Variants in NBAS observed in about 807,000 individuals in gnomAD.
NBAS encodes NAG/BC035112 fusion.
NBAS carries 219 observed loss-of-function variants against 302.5 expected under a neutral mutation model. The observed-to-expected ratio is 0.72, with a 90% CI of 0.65 to 0.81. NBAS has a LOEUF of 0.81. Ranked by LOEUF, NBAS falls within the 30% of genes least tolerant of loss-of-function variation. The pLI is 0.00. For synonymous variants in NBAS, 1,118 were observed against 1,021.6 expected, an observed-to-expected ratio of 1.09 and a Z score of -1.80; for missense variants, 2,932 against 2,841.6, an observed-to-expected ratio of 1.03 and a Z score of -0.72.
the NBAS span, among the ~76,000 whole-genome samples, chr2:15,145,666 C>T: frequency 6.6e-6 from 1 of 152,052 alleles, no homozygotes; most frequent in Admixed American, 6.5e-5. Flanking sequence ...CCTCTTACTG[C>T]AGCTCCCACT....
chr2:15,270,234 G>C (rs549967299), intron 44 of NBAS, among the ~76,000 whole-genome samples: 1 of 151,978 alleles, frequency 6.6e-6, no homozygotes, highest in African/African-American at 2.4e-5. Flanking sequence ...GCACGATCTC[G>C]GGTCAGTGCA....
At chr2:14,837,521 T>C in the NBAS span, among the ~76,000 whole-genome samples, 3 of 151,736 alleles carry the variant, frequency 2.0e-5, no homozygotes, top group Admixed American at 2.0e-4. Context: ...CTGGTAGAAT[T>C]TGCTGGAGGA....
At chr2:15,123,349 G>C in the NBAS span, among the ~76,000 whole-genome samples, 2 of 152,262 alleles carry the variant, frequency 1.3e-5, no homozygotes, top group Admixed American at 6.5e-5. Context: ...ATCGGAGCTC[G>C]TCATAGGTTG....
chr2:15,431,519 CA>C (rs1677763406), intron 21 of NBAS, among the ~76,000 whole-genome samples: 1 of 151,984 alleles, frequency 6.6e-6, no homozygotes, highest in Non-Finnish European at 1.5e-5. Flanking sequence ...CCTCAGCACC[CA>C]AAATAGTATC....
the NBAS span, among the ~76,000 whole-genome samples, chr2:15,108,710 T>A: frequency 6.6e-6 from 1 of 152,138 alleles, no homozygotes; most frequent in Admixed American, 6.6e-5. Context: ...TTCATAGTTT[T>A]GAAATCCATA....
chr2:15,083,679 C>T, the NBAS span, among the ~76,000 whole-genome samples: 1 of 152,182 alleles, frequency 6.6e-6, no homozygotes, highest in Non-Finnish European at 1.5e-5. Flanking sequence ...AACAAAATCA[C>T]AGTTGTTCCA....
intron 2 of NBAS, 151 bp downstream of exon 2, chr2:15,558,429 C>T: frequency 1.6e-6 from 1 of 607,170 alleles, no homozygotes; most frequent in Non-Finnish European, 2.9e-6. Flanking sequence ...CAAATGTATA[C>T]ATATACATAC....
chr2:14,809,887 T>A, the NBAS span, among the ~76,000 whole-genome samples: 1 of 152,202 alleles, frequency 6.6e-6, no homozygotes, highest in African/African-American at 2.4e-5. Context: ...ACCTATTGCA[T>A]CGGCGTGACC....
At chr2:15,048,493 G>C in the NBAS span, among the ~76,000 whole-genome samples, 1 of 152,246 alleles carries the variant, frequency 6.6e-6, no homozygotes, top group Non-Finnish European at 1.5e-5. Context: ...GATGGTATCA[G>C]GCTTTGCCTG....
chr2:14,814,113 C>A, the NBAS span, among the ~76,000 whole-genome samples: 1 of 152,204 alleles, frequency 6.6e-6, no homozygotes, highest in Non-Finnish European at 1.5e-5. Flanking sequence ...TATGAAAATG[C>A]CTAGATGTCC....
chr2:15,320,081 G>C (rs1671724079), intron 38 of NBAS, among the ~76,000 whole-genome samples: 1 of 152,140 alleles, frequency 6.6e-6, no homozygotes, highest in South Asian at 2.1e-4. Context: ...TGGCATGCAA[G>C]GCTGGTTCAA....
intron 48 of NBAS, among the ~76,000 whole-genome samples, chr2:15,217,524 A>T (rs188988728): frequency 5.9e-5 from 9 of 152,352 alleles, no homozygotes; most frequent in Admixed American, 5.2e-4. Context: ...TTGCTTTAAG[A>T]TTAGACGGTA....
chr2:15,082,479 C>G, the NBAS span, among the ~76,000 whole-genome samples: 1 of 152,136 alleles, frequency 6.6e-6, no homozygotes, highest in Non-Finnish European at 1.5e-5. Context: ...TGGAAGGTCA[C>G]TTTCACTCTC....
chr2:15,315,745 T>C (rs770583321), intron 38 of NBAS, among the ~76,000 whole-genome samples: 6 of 152,216 alleles, frequency 3.9e-5, no homozygotes, highest in African/African-American at 7.2e-5. Flanking sequence ...AGTTATCTCA[T>C]GACTTTTTTT....
At chr2:14,785,144 G>T in the NBAS span, among the ~76,000 whole-genome samples, 4 of 152,154 alleles carry the variant, frequency 2.6e-5, no homozygotes, top group African/African-American at 9.7e-5. Context: ...GTATAAGAAT[G>T]CTTGTGATTT....
intron 47 of NBAS, among the ~76,000 whole-genome samples, chr2:15,228,406 C>T (rs1021046339): frequency 1.1e-4 from 17 of 152,132 alleles, no homozygotes; most frequent in African/African-American, 1.4e-4. Flanking sequence ...ATAAATTAGT[C>T]GCTGTTAGGG....
chr2:15,555,663 A>G (rs372439637), intron 3 of NBAS, among the ~76,000 whole-genome samples: 1 of 152,226 alleles, frequency 6.6e-6, no homozygotes, highest in Non-Finnish European at 1.5e-5. Flanking sequence ...TGAAAGCAGC[A>G]TATCATGAGA....
chr2:15,402,204 T>C lies in NBAS; in HGVS notation c.3035A>G (p.Tyr1012Cys), dbSNP rs761656720. 13 of 1,613,532 alleles carry C rather than the reference T, an allele frequency of 8.1e-6. No homozygotes were observed. Among genetic ancestry groups the C allele is most frequent in the Non-Finnish European group, 6.8e-6 (8 of 1,179,670 alleles). The change falls in exon 26 of 52, where the codon TAT becomes TGT. Residue 1012 changes from tyrosine (Y) to cysteine (C), a missense_variant. Physicochemically the swap from Tyr to Cys is radical, Grantham distance 194. Coordinates refer to ENST00000281513, the MANE Select transcript of NBAS (RefSeq NM_015909.4). ...CERNDQLCLC[Y>C]DLLECLPERG... is the part of the protein sequence containing the mutation. The stretch of plus-strand genomic sequence containing the variant: ...TTCTGGCAGACATTCTAGTAGGTCA[T>C]AGCAAAGACAGAGTTGATCATTTCG...
At chr2:14,888,968 G>A in the NBAS span, among the ~76,000 whole-genome samples, 3 of 152,284 alleles carry the variant, frequency 2.0e-5, no homozygotes, top group East Asian at 1.9e-4. Flanking sequence ...TTCACTTCCC[G>A]CGGGCCTGTG....
Sources: gnomAD v4.1 joint callset for allele counts (sites outside exome capture counted in the v4.1 genomes callset) on GRCh38, gnomAD v4.1.1 for gene constraint, MANE v1.5 for transcripts, NCBI Gene and HGNC (gene_info 2026-07-23, HGNC 2026-07-21) for gene names.